Variants in CADM1 observed in about 807,000 individuals in gnomAD.
The protein encoded by CADM1 is TSLC-1.
In CADM1, 15 loss-of-function variants were observed where a neutral mutation model predicts 53.1. That is an observed-to-expected ratio of 0.28 (90% CI 0.19 to 0.44). The LOEUF (loss-of-function observed/expected upper bound fraction) is 0.44, where lower values mean the gene tolerates loss of function less well. CADM1 is among the 20% of genes least tolerant of loss of function. The probability of loss-of-function intolerance (pLI) is 1.00; values close to 1 mark genes in which losing one functional copy is unlikely to be tolerated. For synonymous variants in CADM1, 281 were observed against 243.0 expected (o/e 1.16, Z -1.45); for missense variants, 434 against 611.3 (o/e 0.71, Z 3.06).
At chr11:115,297,371 TA>T (rs1481555222) in intron 1 of CADM1, among the ~76,000 whole-genome samples, 1 of 152,100 alleles carries the variant, frequency 6.6e-6, no homozygotes, top group Non-Finnish European at 1.5e-5. Flanking sequence ...CAAGATTGTA[TA>T]AAAAAGGCTT....
At chr11:115,373,583 C>CAAAAAAAAA (rs35059216) in intron 1 of CADM1, among the ~76,000 whole-genome samples, 8 of 48,816 alleles carry the variant, frequency 1.6e-4, no homozygotes, top group Admixed American at 4.7e-4. Flanking sequence ...GACTCTGTCT[C>CAAAAAAAAA]AAAAAAAAAA....
intron 1 of CADM1, among the ~76,000 whole-genome samples, chr11:115,298,409 C>T (rs533139389): frequency 2.0e-5 from 3 of 152,278 alleles, no homozygotes; most frequent in Non-Finnish European, 4.4e-5. Flanking sequence ...AAGAGAAAGA[C>T]GATGAGACCC....
intron 1 of CADM1, among the ~76,000 whole-genome samples, chr11:115,281,288 C>A (rs1444142570): frequency 1.3e-5 from 2 of 152,118 alleles, no homozygotes; most frequent in South Asian, 4.1e-4. Context: ...ACAGGGAATG[C>A]CCAGGAACTC....
In CADM1 at chr11:115,170,598, G is replaced by C. The variant is rs1440399325; in HGVS notation, c.*5876C>G. On this transcript the variant is annotated 3_prime_UTR_variant, in exon 12 of 12. Transcript: ENST00000331581. ...ATGTGTAATGATGTGAGTGTTGGGT[G>C]GGGGGTGGTGGGGGGGGACTGAATC... 2.6e-5 allele frequency: 4 copies of C among 151,202 alleles called. No homozygotes were observed. The highest frequency in any genetic ancestry group is 4.2e-4 in the South Asian group (2 of 4,722). 9.4% of individuals were successfully genotyped at this position (151,202 alleles called of 1,614,324 possible). A position where few individuals can be genotyped will look rare whatever the true frequency, so the allele number is the denominator to read the frequency against.
At chr11:115,338,889 TTAA>T (rs1945342104) in intron 1 of CADM1, among the ~76,000 whole-genome samples, 2 of 128,728 alleles carry the variant, frequency 1.6e-5, no homozygotes, top group Non-Finnish European at 3.5e-5. Flanking sequence ...TTTTTTTTTT[TTAA>T]TTTTTTTTTT....
chr11:115,251,388 C>T (rs968005583), intron 1 of CADM1, among the ~76,000 whole-genome samples: 1 of 150,910 alleles, frequency 6.6e-6, no homozygotes, highest in African/African-American at 2.4e-5. Flanking sequence ...AGTTGGAACA[C>T]ATCAGATATG....
chr11:115,251,667 C>T (rs1280749983), intron 1 of CADM1, among the ~76,000 whole-genome samples: 2 of 152,180 alleles, frequency 1.3e-5, no homozygotes, highest in Non-Finnish European at 2.9e-5. Flanking sequence ...AAACTGGGGT[C>T]CATGACTAAG....
rs548401460 is a variant in CADM1, at chr11:115,347,643, C to T, written c.125-107223G>A. Among the ~76,000 whole-genome samples the T allele has an allele frequency of 4.8e-4, 73 of 152,254 alleles. No individual in the cohort carries two copies. The South Asian group carries it at 0.015, about 31-fold the overall frequency. ...TGAAAATATAAAAGGGCATTTTTAA[C>T]CACTGTAACAATTCTGCTAGGCTGC... On this transcript the variant is annotated intron_variant, in intron 1 of 11. Transcript: ENST00000331581.
chr11:115,396,118 T>A (rs1256052833), intron 1 of CADM1, among the ~76,000 whole-genome samples: 1 of 152,186 alleles, frequency 6.6e-6, no homozygotes, highest in Non-Finnish European at 1.5e-5. Flanking sequence ...TGAGGGACCA[T>A]AATGCTAACG....
intron 1 of CADM1, among the ~76,000 whole-genome samples, chr11:115,265,345 G>A (rs954903246): frequency 2.4e-4 from 37 of 152,184 alleles, no homozygotes; most frequent in African/African-American, 8.9e-4. Flanking sequence ...GCCTAGACCA[G>A]TATCTGGCCC....
chr11:115,186,138 G>T (rs1426011838), intron 10 of CADM1, among the ~76,000 whole-genome samples: 2 of 152,192 alleles, frequency 1.3e-5, no homozygotes, highest in Non-Finnish European at 2.9e-5. Context: ...GACCCAATGT[G>T]ATTTCTTCAG....
At chr11:115,453,482 C>A (rs1402570827) in intron 1 of CADM1, among the ~76,000 whole-genome samples, 1 of 151,688 alleles carries the variant, frequency 6.6e-6, no homozygotes, top group Non-Finnish European at 1.5e-5. Context: ...TGAGTTAGGC[C>A]AAATAACTTA....
At chr11:115,407,234 C>A (rs767733769) in intron 1 of CADM1, among the ~76,000 whole-genome samples, 1 of 152,096 alleles carries the variant, frequency 6.6e-6, no homozygotes, top group Non-Finnish European at 1.5e-5. Flanking sequence ...TCCAAGACTG[C>A]GGGTGCTATT....
intron 1 of CADM1, among the ~76,000 whole-genome samples, chr11:115,252,346 C>T (rs1942631760): frequency 6.6e-6 from 1 of 152,196 alleles, no homozygotes; most frequent in Admixed American, 6.5e-5. Context: ...AGCATCACCA[C>T]CATCTATGCA....
intron 1 of CADM1, among the ~76,000 whole-genome samples, chr11:115,495,759 C>T (rs1410195336): frequency 6.6e-6 from 1 of 152,160 alleles, no homozygotes; most frequent in Non-Finnish European, 1.5e-5. Context: ...TAAAGCACTT[C>T]CCTTCCATCT....
chr11:115,178,603 T>C lies in CADM1; in HGVS notation c.1297+41A>G, dbSNP rs761116141. 5 of 1,596,582 alleles carry C rather than the reference T, an allele frequency of 3.1e-6. No homozygotes were observed. In the South Asian group the frequency reaches 4.4e-5, roughly 14 times the overall value. On this transcript the variant is annotated intron_variant, in intron 11 of 11. Transcript: ENST00000331581. ...TTGTAAAGTCTCCAAAGGCAGAAGC[T>C]GTGGGGACACGCTGCTTCTGTCTGC... is the stretch of plus-strand genomic sequence containing the variant.
At chr11:115,393,903 A>G (rs902661867) in intron 1 of CADM1, among the ~76,000 whole-genome samples, 8 of 152,202 alleles carry the variant, frequency 5.3e-5, no homozygotes, top group African/African-American at 1.9e-4. Context: ...CGACCACGGT[A>G]ATAAATCATC....
chr11:115,345,921 A>G, intron 1 of CADM1, among the ~76,000 whole-genome samples: 1 of 140,722 alleles, frequency 7.1e-6, no homozygotes, highest in South Asian at 2.6e-4. Flanking sequence ...GCATCTAAGC[A>G]ATTATCTGAA....
intron 6 of CADM1, among the ~76,000 whole-genome samples, chr11:115,216,104 T>C (rs1358277261): frequency 6.6e-6 from 1 of 152,188 alleles, no homozygotes; most frequent in South Asian, 2.1e-4. Context: ...GCTGAAACAA[T>C]CAGTAGGGGT....
Sources: gnomAD v4.1 joint callset for allele counts (sites outside exome capture counted in the v4.1 genomes callset) on GRCh38, gnomAD v4.1.1 for gene constraint, MANE v1.5 for transcripts, NCBI Gene and HGNC (gene_info 2026-07-23, HGNC 2026-07-21) for gene names.